The following TPO variants were observed in gnomAD, a reference collection of about 807,000 sequenced individuals.
TPO encodes the protein thyroid microsomal antigen.
Under a neutral mutation model 96.9 loss-of-function variants are expected in TPO, and 78 were observed. That is an observed-to-expected ratio of 0.81 (90% CI 0.67 to 0.97). The LOEUF is 0.97. TPO is among the 50% of genes least tolerant of loss of function. The pLI is 0.00. For synonymous variants in TPO, 547 were observed against 538.0 expected (o/e 1.02, Z -0.23); for missense variants, 1,252 against 1,274.8 (o/e 0.98, Z 0.27).
At position 1,512,581 on chromosome 2, in the gene TPO, G is replaced by A. The variant is rs572683226; in HGVS notation, c.2519-4302G>A. ...GCTGCCGAACCTGAAGTCAGGGTCC[G>A]CCGCAGAACACGTCTTCCCGCTGAG... On this transcript the variant is annotated intron_variant, in intron 14 of 16. Transcript: ENST00000329066. The A allele has an allele frequency of 3.2e-5, 23 of 727,114 alleles. No individual in the cohort carries two copies. In the East Asian group the frequency reaches 5.3e-4, roughly 17 times the overall value. 45.0% of individuals were successfully genotyped at this position (727,114 alleles called of 1,614,324 possible). A position where few individuals can be genotyped will look rare whatever the true frequency, so the allele number is the denominator to read the frequency against.
intron 15 of TPO, among the ~76,000 whole-genome samples, chr2:1,534,849 A>AC (rs533815539): frequency 5.7e-5 from 6 of 104,368 alleles, no homozygotes; most frequent in East Asian, 3.5e-4. Flanking sequence ...ACTGTGTGTA[A>AC]CCCCCCCAAA....
intron 7 of TPO, among the ~76,000 whole-genome samples, chr2:1,463,720 C>T (rs1668645543): frequency 6.6e-6 from 1 of 152,152 alleles, no homozygotes; most frequent in Non-Finnish European, 1.5e-5. Flanking sequence ...AGTGGGGGTG[C>T]AGGCAGCCCG....
intron 1 of TPO, among the ~76,000 whole-genome samples, chr2:1,397,385 C>T (rs1190441325): frequency 6.6e-6 from 1 of 152,136 alleles, no homozygotes; most frequent in Non-Finnish European, 1.5e-5. Context: ...AGGATGCCTT[C>T]CCTGAGTGCC....
intron 5 of TPO, among the ~76,000 whole-genome samples, chr2:1,437,970 A>G (rs967920467): frequency 6.6e-6 from 1 of 152,096 alleles, no homozygotes; most frequent in African/African-American, 2.4e-5. Flanking sequence ...GTATGGGGAC[A>G]CTGAGATGGC....
intron 8 of TPO, among the ~76,000 whole-genome samples, chr2:1,478,801 C>T (rs1315584602): frequency 6.6e-6 from 1 of 151,544 alleles, no homozygotes; most frequent in African/African-American, 2.4e-5. Context: ...CTAACGCACA[C>T]ATCCACACAG....
intron 7 of TPO, among the ~76,000 whole-genome samples, chr2:1,464,063 C>T (rs555047569): frequency 1.3e-5 from 2 of 152,312 alleles, no homozygotes; most frequent in South Asian, 4.1e-4. Flanking sequence ...CCCTTTCCCC[C>T]TGAGTCCCCA....
intron 5 of TPO, among the ~76,000 whole-genome samples, chr2:1,442,690 A>G (rs1666314016): frequency 6.6e-6 from 1 of 152,216 alleles, no homozygotes. Context: ...TTTGTCAGTT[A>G]CAAGCTGCTT....
rs539232062 is a variant in TPO, at chr2:1,386,807, C to T, written n.180+12405C>T. On this transcript the variant is annotated intron_variant and non_coding_transcript_variant, in intron 1 of 5. Transcript: ENST00000497517. Reference sequence around the variant, plus strand: ...AGTTGATGCAGTTTCTTCCTAGCATCGATGGTCTTTACAATTTGGCATGTT... The same window carrying T: ...AGTTGATGCAGTTTCTTCCTAGCATTGATGGTCTTTACAATTTGGCATGTT... Among the ~76,000 whole-genome samples the T allele has an allele frequency of 7.1e-3, 1,074 of 152,234 alleles. 9 individuals carry two copies. Among genetic ancestry groups the T allele is most frequent in the Non-Finnish European group, 0.011 (768 of 68,026 alleles).
At chr2:1,405,506 T>C (rs1022567913) in intron 1 of TPO, among the ~76,000 whole-genome samples, 1 of 151,826 alleles carries the variant, frequency 6.6e-6, no homozygotes, top group African/African-American at 2.4e-5. Context: ...CATTCATCCA[T>C]CTATCCACCC....
rs1353670045 is a variant in TPO, at chr2:1,537,623, CTGTGTGCAACATCCCCAGATCCCCCCCAA to C, written c.2619-2960_2619-2932del. ...TGTGCAAACTCCTCAAATCACCCCG[CTGTGTGCAACATCCCCAGATCCCCCCCAA>C]TGTGTGCAACCTCCGCAAATCCCCC... On this transcript the variant is annotated intron_variant, in intron 15 of 16. Coordinates refer to ENST00000329066, the MANE Select transcript of TPO (RefSeq NM_001206744.2). Among the ~76,000 whole-genome samples, 9 of 127,596 alleles carry C rather than the reference CTGTGTGCAACATCCCCAGATCCCCCCCAA, an allele frequency of 7.1e-5. No individual in the cohort carries two copies. The East Asian group carries it at 1.0e-3, about 14-fold the overall frequency. The allele number at this position is 127,596 out of a possible 152,430, so 83.7% of individuals were successfully genotyped here.
At chr2:1,436,563 G>T (rs1036852942) in intron 5 of TPO, among the ~76,000 whole-genome samples, 179 bp downstream of exon 5, 1 of 152,102 alleles carries the variant, frequency 6.6e-6, no homozygotes, top group African/African-American at 2.4e-5. Context: ...CTCAAGCAGC[G>T]TGCCAAGCAG....
In TPO at chr2:1,534,879, C is replaced by T. The variant is rs575464368; in HGVS notation, c.2619-5715C>T. Reference sequence around the variant, plus strand: ...CCCAAATCCCACCACTGTGCACAACCTCCTCTAATCTGTTCACTGTGTGCA... The same window carrying T: ...CCCAAATCCCACCACTGTGCACAACTTCCTCTAATCTGTTCACTGTGTGCA... On this transcript the variant is annotated intron_variant, in intron 15 of 16. Transcript: ENST00000329066. Among the ~76,000 whole-genome samples the T allele has an allele frequency of 1.3e-4, 19 of 143,272 alleles. 3 individuals are homozygous for T. The highest frequency in any genetic ancestry group is 4.9e-4 in the African/African-American group (19 of 38,600). 94.0% of individuals were successfully genotyped at this position (143,272 alleles called of 152,430 possible).
chr2:1,513,000 G>A (rs1275559225), intron 14 of TPO, among the ~76,000 whole-genome samples: 15 of 152,230 alleles, frequency 9.9e-5, no homozygotes, highest in Admixed American at 7.8e-4. Flanking sequence ...ACACGTCCCT[G>A]ATGAAAGAGC....
intron 7 of TPO, among the ~76,000 whole-genome samples, chr2:1,473,785 T>A (rs948396326): frequency 5.9e-5 from 9 of 152,054 alleles, no homozygotes; most frequent in Non-Finnish European, 1.0e-4. Context: ...TTTTTTTTTC[T>A]CCATTACCAT....
At chr2:1,450,586 AG>A (rs1667219464) in intron 5 of TPO, among the ~76,000 whole-genome samples, 1 of 152,250 alleles carries the variant, frequency 6.6e-6, no homozygotes, top group Non-Finnish European at 1.5e-5. Flanking sequence ...TCTTTCCAAC[AG>A]GAGCTGATCA....
chr2:1,400,568 C>CAAAAAAAAA lies in TPO; in HGVS notation n.180+26178_180+26186dup, dbSNP rs34242408. Among the ~76,000 whole-genome samples the CAAAAAAAAA allele has an allele frequency of 3.2e-3, 230 of 71,584 alleles. 1 individual carries two copies. Among genetic ancestry groups the CAAAAAAAAA allele is most frequent in the South Asian group, 6.6e-3 (9 of 1,360 alleles). The allele number at this position is 71,584 out of a possible 152,430, so 47.0% of individuals were successfully genotyped here. A position where few individuals can be genotyped will look rare whatever the true frequency, so the allele number is the denominator to read the frequency against. Reference sequence around the variant, plus strand: ...TGGATAAAGAAGTGAGACTCTGTCTCAAAAAAAAAAAAAAAAAAAAGAAAT... The same window carrying CAAAAAAAAA: ...TGGATAAAGAAGTGAGACTCTGTCTCAAAAAAAAAAAAAAAAAAAAAAAAAAAAAGAAAT... On this transcript the variant is annotated intron_variant and non_coding_transcript_variant, in intron 1 of 5. Coordinates refer to the TPO transcript ENST00000497517.
At chr2:1,453,026 T>C (rs1426300709) in intron 5 of TPO, among the ~76,000 whole-genome samples, 1 of 152,250 alleles carries the variant, frequency 6.6e-6, no homozygotes, top group Non-Finnish European at 1.5e-5. Context: ...AACTTCACCA[T>C]CTAGCCTATT....
rs572658505 is a variant in TPO, at chr2:1,512,414, C to G, written c.2519-4469C>G. On this transcript the variant is annotated intron_variant, in intron 14 of 16. Transcript: ENST00000329066. ...AGATCCTGCCCCCGCCAAGGGCGTC[C>G]GAGAGAGCCCCTGAGCCCGGCCCGG... The G allele has an allele frequency of 6.1e-6, 6 of 985,326 alleles. No individual in the cohort carries two copies. The Admixed American group carries it at 3.7e-4, about 61-fold the overall frequency. 61.0% of individuals were successfully genotyped at this position (985,326 alleles called of 1,614,324 possible).
At position 1,477,182 on chromosome 2, in the gene TPO, G is replaced by A. The variant is rs770847826; in HGVS notation, c.916G>A (p.Gly306Arg). ...CGTGDQGALFGNLSTANPRQQ... is the reference protein window; with the variant it reads ...CGTGDQGALFRNLSTANPRQQ... Reference sequence around the variant, plus strand: ...CACCGGGGACCAAGGCGCGCTCTTTGGGAACCTGTCCACGGCCAACCCGCG... The same window carrying A: ...CACCGGGGACCAAGGCGCGCTCTTTAGGAACCTGTCCACGGCCAACCCGCG... The change falls in exon 8 of 17, where the codon GGG becomes AGG. Residue 306 changes from glycine (G) to arginine (R), a missense_variant. Physicochemically the swap from Gly to Arg is moderately radical, Grantham distance 125 (BLOSUM62 -2). Coordinates refer to ENST00000329066, the MANE Select transcript of TPO (RefSeq NM_001206744.2). 6.2e-7 allele frequency: 1 copy of A among 1,609,946 alleles called. No individual in the cohort carries two copies. The highest frequency in any genetic ancestry group is 8.5e-7 in the Non-Finnish European group (1 of 1,178,996).
Sources: allele counts gnomAD v4.1 joint callset (sites outside exome capture counted in the v4.1 genomes callset), GRCh38; gene constraint gnomAD v4.1.1; transcripts MANE v1.5; gene names NCBI Gene and HGNC (gene_info 2026-07-23, HGNC 2026-07-21).